Variants in PVT1 observed in about 807,000 individuals in gnomAD.
The protein encoded by PVT1 is Pvt1 oncogene, also known as CXCR4/PVT1 fusion.
intron 3 of PVT1, among the ~76,000 whole-genome samples, chr8:127,968,810 G>C (rs1816730991): frequency 6.6e-6 from 1 of 152,158 alleles, no homozygotes; most frequent in Admixed American, 6.5e-5. Flanking sequence ...CGTGGATACA[G>C]ACACACTCTG....
chr8:127,996,371 A>C (rs1365327162), intron 4 of PVT1, among the ~76,000 whole-genome samples: 2 of 151,060 alleles, frequency 1.3e-5, no homozygotes, highest in Middle Eastern at 3.2e-3. Flanking sequence ...TTTCCTTTTT[A>C]GTTTGGTCAC....
intron 3 of PVT1, among the ~76,000 whole-genome samples, chr8:127,975,974 C>T (rs993725): frequency 0.55 from 84,012 of 151,936 alleles, 24,281 homozygotes; most frequent in South Asian, 0.8. Context: ...GTGCCTGGAG[C>T]CCTCCCTAGC....
chr8:128,050,056 T>C (rs1288888334), intron 4 of PVT1, among the ~76,000 whole-genome samples: 3 of 152,146 alleles, frequency 2.0e-5, no homozygotes, highest in African/African-American at 7.2e-5. Context: ...TGCTCTGGGC[T>C]CTTTCCCTCC....
intron 2 of PVT1, among the ~76,000 whole-genome samples, chr8:127,844,041 G>A (rs1173946127): frequency 6.6e-6 from 1 of 151,642 alleles, no homozygotes; most frequent in Non-Finnish European, 1.5e-5. Flanking sequence ...GTAGTGCAGT[G>A]GCGCAATCTC....
At chr8:127,862,768 C>T (rs1385108089) in intron 2 of PVT1, among the ~76,000 whole-genome samples, 1 of 152,196 alleles carries the variant, frequency 6.6e-6, no homozygotes, top group Non-Finnish European at 1.5e-5. Flanking sequence ...TCTTTGACTA[C>T]TGGTGTGGTT....
At chr8:127,906,151 A>G (rs370025871) in intron 3 of PVT1, among the ~76,000 whole-genome samples, 5 of 152,150 alleles carry the variant, frequency 3.3e-5, no homozygotes, top group African/African-American at 1.2e-4. Flanking sequence ...GGTCTTCCTA[A>G]TGAGAGCTCC....
chr8:128,083,114 A>G (rs1374749978), intron 5 of PVT1, among the ~76,000 whole-genome samples: 1 of 152,210 alleles, frequency 6.6e-6, no homozygotes, highest in African/African-American at 2.4e-5. Flanking sequence ...GTGACTTTAG[A>G]CAAGTCACTT....
chr8:127,833,841 T>C (rs1029557519), intron 2 of PVT1, among the ~76,000 whole-genome samples: 7 of 152,196 alleles, frequency 4.6e-5, no homozygotes, highest in Non-Finnish European at 1.0e-4. Context: ...GTTAATATTA[T>C]CAGTCCTGTA....
At chr8:127,928,970 A>C (rs960004806) in intron 3 of PVT1, among the ~76,000 whole-genome samples, 3 of 152,220 alleles carry the variant, frequency 2.0e-5, no homozygotes, top group African/African-American at 7.2e-5. Context: ...TTGCTTTTGC[A>C]CTTCATGATA....
intron 5 of PVT1, among the ~76,000 whole-genome samples, chr8:128,091,373 C>A (rs754989213): frequency 5.9e-5 from 9 of 152,174 alleles, no homozygotes; most frequent in Non-Finnish European, 1.2e-4. Context: ...TCACTCCTCT[C>A]CAGCTGGCTT....
In PVT1 at chr8:127,981,125, G is replaced by A. The variant is rs558811111; in HGVS notation, n.783-8037G>A. 1.4e-4 allele frequency among the ~76,000 whole-genome samples: 22 copies of A among 152,236 alleles called. No individual in the cohort carries two copies. The South Asian group carries it at 3.7e-3, about 26-fold the overall frequency. On this transcript the variant is annotated intron_variant and non_coding_transcript_variant, in intron 3 of 10. Coordinates refer to ENST00000651587, the Ensembl canonical transcript of PVT1. ...AGCCCAGCTTATACCCAGTTACTTA[G>A]CTTCTGTGTGTGTGTGTGTTTGTAA...
At chr8:128,085,715 G>A (rs1814247851) in intron 5 of PVT1, among the ~76,000 whole-genome samples, 1 of 152,142 alleles carries the variant, frequency 6.6e-6, no homozygotes, top group Non-Finnish European at 1.5e-5. Context: ...TTAAACTACT[G>A]CATTACTGTA....
intron 3 of PVT1, among the ~76,000 whole-genome samples, chr8:127,954,737 G>A (rs1193325430): frequency 6.6e-6 from 1 of 152,152 alleles, no homozygotes; most frequent in African/African-American, 2.4e-5. Context: ...GAAGGATTCG[G>A]GCCTCTGAGT....
intron 2 of PVT1, among the ~76,000 whole-genome samples, chr8:127,814,835 C>T (rs766293228): frequency 2.6e-5 from 4 of 152,166 alleles, no homozygotes; most frequent in Admixed American, 6.5e-5. Context: ...CACTTACTCT[C>T]CTCTCCCCCT....
chr8:128,022,126 C>A (rs1352227465), intron 4 of PVT1, among the ~76,000 whole-genome samples: 1 of 152,164 alleles, frequency 6.6e-6, no homozygotes, highest in African/African-American at 2.4e-5. Flanking sequence ...AGCTCTGGAC[C>A]CTGTTTGGCC....
chr8:128,020,985 C>T (rs1023228542), intron 4 of PVT1, among the ~76,000 whole-genome samples: 5 of 152,254 alleles, frequency 3.3e-5, no homozygotes, highest in East Asian at 3.9e-4. Context: ...CTATAGTCAC[C>T]GCTTGGTGGA....
chr8:127,984,902 T>C (rs1816938285), intron 3 of PVT1, among the ~76,000 whole-genome samples: 4 of 99,200 alleles, frequency 4.0e-5, no homozygotes, highest in African/African-American at 1.0e-4. Context: ...TCTTTCTTTC[T>C]TTCTTTCTTT....
chr8:127,969,049 C>A (rs1002286169), intron 3 of PVT1, among the ~76,000 whole-genome samples: 1 of 152,114 alleles, frequency 6.6e-6, no homozygotes, highest in African/African-American at 2.4e-5. Flanking sequence ...ATTTTGCGAC[C>A]ATTTGTACCC....
chr8:127,833,959 G>T (rs1201181121), intron 2 of PVT1, among the ~76,000 whole-genome samples: 2 of 152,118 alleles, frequency 1.3e-5, no homozygotes, highest in East Asian at 3.9e-4. Context: ...CTGAGAATTG[G>T]ATCTAACAAG....
Sources: gnomAD v4.1 joint callset for allele counts (sites outside exome capture counted in the v4.1 genomes callset) on GRCh38, gnomAD v4.1.1 for gene constraint, MANE v1.5 for transcripts, NCBI Gene and HGNC (gene_info 2026-07-23, HGNC 2026-07-21) for gene names.